The following EGFR variants were observed in gnomAD, a reference collection of about 807,000 sequenced individuals.
EGFR encodes the protein epidermal growth factor receptor.
In EGFR, 58 loss-of-function variants were observed where a neutral mutation model predicts 143.0. The observed-to-expected ratio is 0.41, with a 90% CI of 0.33 to 0.50. The LOEUF is 0.50. Among genes scored for constraint, EGFR ranks in the 20% least tolerant of loss-of-function variants. The pLI is 0.39. For missense variants in EGFR, 1,307 were observed against 1,579.0 expected (o/e 0.83, Z 2.92); for synonymous variants, 613 against 594.4 (o/e 1.03, Z -0.45).
At chr7:55,149,669 G>A (rs994254919) in intron 4 of EGFR, among the ~76,000 whole-genome samples, 4 of 151,896 alleles carry the variant, frequency 2.6e-5, no homozygotes, top group Admixed American at 6.6e-5. Context: ...ATCACATTTC[G>A]GAATAAGAGA....
At chr7:55,070,124 T>C (rs997393946) in intron 1 of EGFR, among the ~76,000 whole-genome samples, 1 of 152,252 alleles carries the variant, frequency 6.6e-6, no homozygotes, top group African/African-American at 2.4e-5. Context: ...AACAATGCTA[T>C]ATGCTGTATC....
At chr7:55,185,959 C>T (rs925519811) in intron 20 of EGFR, among the ~76,000 whole-genome samples, 14 of 152,206 alleles carry the variant, frequency 9.2e-5, no homozygotes, top group Non-Finnish European at 1.6e-4. Context: ...CACGGCTCTG[C>T]TACTGACAAG....
intron 1 of EGFR, among the ~76,000 whole-genome samples, chr7:55,114,686 G>A (rs1792722211): frequency 6.6e-6 from 1 of 151,852 alleles, no homozygotes. Context: ...TGAGATGACT[G>A]GGGAATCCAT....
intron 1 of EGFR, among the ~76,000 whole-genome samples, chr7:55,093,228 C>T (rs1791234309): frequency 6.6e-6 from 1 of 152,172 alleles, no homozygotes; most frequent in African/African-American, 2.4e-5. Context: ...TTTAAATGCA[C>T]TTGTCAGTCA....
chr7:55,022,009 C>T (rs1786594294), intron 1 of EGFR, among the ~76,000 whole-genome samples: 1 of 152,168 alleles, frequency 6.6e-6, no homozygotes, highest in Non-Finnish European at 1.5e-5. Flanking sequence ...TGTCTAATGT[C>T]AGAGCTGGCA....
chr7:55,089,852 A>G (rs1160461429), intron 1 of EGFR, among the ~76,000 whole-genome samples: 1 of 152,214 alleles, frequency 6.6e-6, no homozygotes, highest in Non-Finnish European at 1.5e-5. Flanking sequence ...CTAACCAGCT[A>G]TGCAGGATGC....
intron 15 of EGFR, chr7:55,168,412 CTTACT>C: frequency 1.3e-6 from 1 of 779,638 alleles, no homozygotes; most frequent in Non-Finnish European, 2.3e-6. Flanking sequence ...TTTCAATACA[CTTACT>C]TTGTATAAGA....
chr7:55,137,007 AAAT>A (rs1562748147), intron 1 of EGFR, among the ~76,000 whole-genome samples: 2 of 152,160 alleles, frequency 1.3e-5, no homozygotes, highest in South Asian at 2.1e-4. Context: ...ATTCATAGGC[AAAT>A]AATAATTTCA....
chr7:55,087,272 T>C (rs962342048), intron 1 of EGFR, among the ~76,000 whole-genome samples: 7 of 19,214 alleles, frequency 3.6e-4, no homozygotes, highest in African/African-American at 1.4e-3. Flanking sequence ...TTCTCAATTG[T>C]TAAAAAAAAA....
intron 27 of EGFR, chr7:55,202,889 C>T (rs1344440713): frequency 1.1e-5 from 7 of 651,916 alleles, no homozygotes; most frequent in East Asian, 2.7e-5. Flanking sequence ...AAGCAAATCA[C>T]GGACATACAC....
rs140694841 is a variant in EGFR, at chr7:55,093,158, G to A, written c.89-49128G>A. Among the ~76,000 whole-genome samples the A allele has an allele frequency of 1.3e-3, 204 of 152,312 alleles. 1 individual carries two copies. The highest frequency in any genetic ancestry group is 4.7e-3 in the African/African-American group (196 of 41,564). On this transcript the variant is annotated intron_variant, in intron 1 of 27. Coordinates refer to ENST00000275493, the MANE Select transcript of EGFR (RefSeq NM_005228.5). ...ACATCTAGAAGAAAATATGAGCTCA[G>A]GGGTCCGCTGGGTTCCTTCCAGCGC...
rs757509033 is a variant in EGFR, at chr7:55,154,171, G to A, written c.889+19G>A. 1.9e-6 allele frequency: 3 copies of A among 1,614,188 alleles called. No individual in the cohort carries two copies. The highest frequency in any genetic ancestry group is 1.3e-5 in the African/African-American group (1 of 75,048). ...TGTCCCCGTGAGTCCTCCTCTGTGG[G>A]CCCTCTAACTGGTCAGGCATCCTTG... On this transcript the variant is annotated intron_variant, in intron 7 of 27. Coordinates refer to ENST00000275493, the MANE Select transcript of EGFR (RefSeq NM_005228.5).
At chr7:55,164,725 G>GTGCTTTTATTTGAGTCCCAA (rs1785882357) in intron 14 of EGFR, among the ~76,000 whole-genome samples, 2 of 152,202 alleles carry the variant, frequency 1.3e-5, no homozygotes, top group Admixed American at 6.5e-5. Context: ...AACCTGAGCA[G>GTGCTTTTATTTGAGTCCCAA]TGCTTTTATT....
At chr7:55,168,780 A>T (rs1786197221) in intron 15 of EGFR, 2 of 538,404 alleles carry the variant, frequency 3.7e-6, no homozygotes, top group South Asian at 6.7e-5. Context: ...TAGGAATTAC[A>T]CGATAGAAAT....
At chr7:55,202,230 A>G (rs897886166) in intron 26 of EGFR, among the ~76,000 whole-genome samples, 9 of 152,262 alleles carry the variant, frequency 5.9e-5, no homozygotes, top group African/African-American at 1.7e-4. Context: ...ACACATGTGA[A>G]GTGTCCAGTA....
chr7:55,034,599 T>C (rs1583874270), intron 1 of EGFR, among the ~76,000 whole-genome samples: 1 of 152,166 alleles, frequency 6.6e-6, no homozygotes, highest in East Asian at 1.9e-4. Context: ...TCACCTAGTG[T>C]GTAATAAGGC....
Position 55,200,533 on chromosome 7 carries a change from T to A in EGFR, c.2946+120T>A, listed in dbSNP as rs146196576. 8.6e-5 allele frequency: 87 copies of A among 1,010,318 alleles called. No individual in the cohort carries two copies. The African/African-American group carries it at 1.1e-3, about 13-fold the overall frequency. 62.6% of individuals were successfully genotyped at this position (1,010,318 alleles called of 1,614,324 possible). On this transcript the variant is annotated intron_variant, in intron 24 of 27. Transcript: ENST00000275493. ...TGTCCCAGATCGCATTATTAAACCC[T>A]CCAGCGCATTAGAGCAAGCCTCAGT...
chr7:55,202,199 A>C (rs559278770), intron 26 of EGFR, among the ~76,000 whole-genome samples: 28 of 152,332 alleles, frequency 1.8e-4, no homozygotes, highest in African/African-American at 6.7e-4. Context: ...AAATGAAATA[A>C]AATATAAAAT....
At chr7:55,086,016 T>A (rs1282312543) in intron 1 of EGFR, among the ~76,000 whole-genome samples, 2 of 144,876 alleles carry the variant, frequency 1.4e-5, no homozygotes, top group African/African-American at 4.9e-5. Flanking sequence ...ATTTGACACA[T>A]AGTTTGAAAC....
Sources: allele counts gnomAD v4.1 joint callset (sites outside exome capture counted in the v4.1 genomes callset), GRCh38; gene constraint gnomAD v4.1.1; transcripts MANE v1.5; gene names NCBI Gene and HGNC (gene_info 2026-07-23, HGNC 2026-07-21).